CHRM3: variants seen among roughly 807,000 people sequenced by gnomAD.
CHRM3 encodes the protein cholinergic receptor muscarinic 3, also known as muscarinic acetylcholine receptor M3.
In CHRM3, 11 loss-of-function variants were observed where a neutral mutation model predicts 41.8. The observed-to-expected ratio is 0.26, with a 90% confidence interval of 0.17 to 0.44. The LOEUF (loss-of-function observed/expected upper bound fraction) is 0.44, where lower values mean the gene tolerates loss of function less well. Among genes scored for constraint, CHRM3 ranks in the 20% least tolerant of loss-of-function variants. CHRM3 has a pLI of 1.00. For missense variants in CHRM3, 571 were observed against 745.4 expected, an observed-to-expected ratio of 0.77 and a Z score of 2.72; for synonymous variants, 297 against 301.4, an observed-to-expected ratio of 0.99 and a Z score of 0.15.
chr1:239,895,257 T>C (rs1228515658), intron 6 of CHRM3, among the ~76,000 whole-genome samples: 4 of 152,184 alleles, frequency 2.6e-5, no homozygotes, highest in Non-Finnish European at 5.9e-5. Flanking sequence ...CTGAATTCTT[T>C]CGTTTCTTGG....
intron 4 of CHRM3, among the ~76,000 whole-genome samples, chr1:239,661,855 A>T (rs1673226118): frequency 6.6e-6 from 1 of 152,156 alleles, no homozygotes. Flanking sequence ...TGTTATAACA[A>T]ATATGCTACA....
chr1:239,580,882 C>T lies in CHRM3; in HGVS notation c.-313+35133C>T, dbSNP rs1042591658. Among the ~76,000 whole-genome samples, 50 of 151,548 alleles carry T rather than the reference C, an allele frequency of 3.3e-4. No homozygotes were observed. The South Asian group carries it at 3.3e-3, about 10-fold the overall frequency. Reference sequence around the variant, plus strand: ...CTCCTTAGGATTGGTTTTTCACATCCACAGATTTCTCCACCTTTGGCAGGG... The same window carrying T: ...CTCCTTAGGATTGGTTTTTCACATCTACAGATTTCTCCACCTTTGGCAGGG... On this transcript the variant is annotated intron_variant, in intron 3 of 6. Coordinates refer to ENST00000676153, the MANE Select transcript of CHRM3 (RefSeq NM_001375978.1).
At chr1:239,489,357 G>T (rs985130737) in intron 1 of CHRM3, among the ~76,000 whole-genome samples, 1 of 151,992 alleles carries the variant, frequency 6.6e-6, no homozygotes, top group African/African-American at 2.4e-5. Context: ...GGTTACAAGT[G>T]AGCTGAGATC....
At chr1:239,687,048 C>T (rs931401494) in intron 5 of CHRM3, among the ~76,000 whole-genome samples, 3 of 151,788 alleles carry the variant, frequency 2.0e-5, no homozygotes, top group Admixed American at 6.6e-5. Context: ...GTTATCCATT[C>T]ATTCAATATG....
At chr1:239,774,454 G>A (rs556624198) in intron 5 of CHRM3, among the ~76,000 whole-genome samples, 1 of 152,114 alleles carries the variant, frequency 6.6e-6, no homozygotes, top group Non-Finnish European at 1.5e-5. Context: ...GGAAAAGAAA[G>A]ATTTTTATAA....
intron 5 of CHRM3, among the ~76,000 whole-genome samples, chr1:239,788,915 TTA>T (rs1669123515): frequency 6.6e-6 from 1 of 152,250 alleles, no homozygotes; most frequent in South Asian, 2.1e-4. Flanking sequence ...TTAATGTGTA[TTA>T]GTTATAGTAA....
At chr1:239,772,267 C>T (rs111732597) in intron 5 of CHRM3, among the ~76,000 whole-genome samples, 4,120 of 152,178 alleles carry the variant, frequency 0.027, 192 homozygotes, top group African/African-American at 0.093. Context: ...TCTCTTGCCT[C>T]AGCCTCCCGA....
chr1:239,691,079 A>G (rs1558458659), intron 5 of CHRM3, among the ~76,000 whole-genome samples: 1 of 152,030 alleles, frequency 6.6e-6, no homozygotes, highest in Non-Finnish European at 1.5e-5. Context: ...GCTGGACTCT[A>G]ATGGGAGGCG....
chr1:239,495,968 T>C (rs370618932), intron 2 of CHRM3, among the ~76,000 whole-genome samples: 6 of 152,092 alleles, frequency 3.9e-5, no homozygotes, highest in African/African-American at 7.2e-5. Flanking sequence ...CCTACTATCA[T>C]TGGGAGGCCA....
At chr1:239,763,737 A>C (rs1304573408) in intron 5 of CHRM3, among the ~76,000 whole-genome samples, 1 of 151,922 alleles carries the variant, frequency 6.6e-6, no homozygotes, top group East Asian at 1.9e-4. Flanking sequence ...ACATTCGGGC[A>C]CTGGGAATAT....
At chr1:239,646,201 A>G (rs1671724598) in intron 4 of CHRM3, among the ~76,000 whole-genome samples, 1 of 152,162 alleles carries the variant, frequency 6.6e-6, no homozygotes, top group African/African-American at 2.4e-5. Flanking sequence ...ACCCTATCCA[A>G]TTTTGACATG....
At chr1:239,566,195 G>A (rs1170120321) in intron 3 of CHRM3, among the ~76,000 whole-genome samples, 2 of 152,140 alleles carry the variant, frequency 1.3e-5, no homozygotes, top group Non-Finnish European at 2.9e-5. Context: ...TTACAGGCGT[G>A]AGCCATCACG....
intron 5 of CHRM3, among the ~76,000 whole-genome samples, chr1:239,793,961 A>G (rs1669555594): frequency 6.6e-6 from 1 of 151,330 alleles, no homozygotes; most frequent in Non-Finnish European, 1.5e-5. Context: ...TAACAGGTTC[A>G]CCCCACCACA....
At chr1:239,547,093 T>C (rs1659368942) in intron 3 of CHRM3, among the ~76,000 whole-genome samples, 2 of 152,166 alleles carry the variant, frequency 1.3e-5, no homozygotes, top group African/African-American at 4.8e-5. Context: ...AAATTAGATA[T>C]GATTTTCACT....
chr1:239,408,017 T>G (rs568655245), intron 1 of CHRM3, among the ~76,000 whole-genome samples: 241 of 152,276 alleles, frequency 1.6e-3, no homozygotes, highest in Non-Finnish European at 2.7e-3. Context: ...GTGTCTCCAC[T>G]CAAATCTCAT....
chr1:239,543,065 C>G (rs1315245638), intron 2 of CHRM3, among the ~76,000 whole-genome samples: 2 of 152,146 alleles, frequency 1.3e-5, no homozygotes, highest in Non-Finnish European at 2.9e-5. Flanking sequence ...GTTATCATCA[C>G]CTTTCTTAGG....
chr1:239,798,181 G>A (rs1465339365), intron 5 of CHRM3, among the ~76,000 whole-genome samples: 1 of 152,066 alleles, frequency 6.6e-6, no homozygotes, highest in Admixed American at 6.6e-5. Flanking sequence ...CCCTCCTGCT[G>A]TATTCTTTAT....
At chr1:239,487,645 A>G (rs1162529021) in intron 1 of CHRM3, among the ~76,000 whole-genome samples, 3 of 152,162 alleles carry the variant, frequency 2.0e-5, no homozygotes, top group Non-Finnish European at 4.4e-5. Flanking sequence ...CTTTATGACT[A>G]CATTGCAATT....
intron 4 of CHRM3, among the ~76,000 whole-genome samples, chr1:239,667,222 G>C (rs535452387): frequency 6.6e-6 from 1 of 152,244 alleles, no homozygotes; most frequent in East Asian, 1.9e-4. Context: ...ATTTACTACA[G>C]TCTTTCCTAA....
Sources: gnomAD v4.1 joint callset for allele counts (sites outside exome capture counted in the v4.1 genomes callset) on GRCh38, gnomAD v4.1.1 for gene constraint, MANE v1.5 for transcripts, NCBI Gene and HGNC (gene_info 2026-07-23, HGNC 2026-07-21) for gene names.